Variants in NRK observed in about 807,000 individuals in gnomAD.
NRK encodes nik-related protein kinase.
In NRK, 67 loss-of-function variants were observed where a neutral mutation model predicts 125.2. The ratio of observed to expected loss-of-function variants is 0.54; its 90% CI spans 0.44 to 0.66. The LOEUF (loss-of-function observed/expected upper bound fraction) is 0.66. Among genes scored for constraint, NRK ranks in the 30% least tolerant of loss-of-function variants. NRK has a pLI of 0.00. For missense variants in NRK, 1,224 were observed against 1,192.9 expected (o/e 1.03, Z -0.38); for synonymous variants, 458 against 429.0 (o/e 1.07, Z -0.84).
rs553259810 is a variant in NRK, at chrX:105,909,526, C to A, written c.1885C>A (p.Pro629Thr). 1.2e-5 allele frequency: 14 copies of A among 1,210,044 alleles called. 1 individual carries two copies. Among genetic ancestry groups the A allele is most frequent in the African/African-American group, 5.2e-5 (3 of 57,754 alleles). ...SPQAQAWTLEPPQAIGSVQAL... is the reference protein window; with the variant it reads ...SPQAQAWTLETPQAIGSVQAL... ...TCAGGCACAGGCTTGGACACTAGAA[C>A]CCCCACAGGCAATTGGCTCAGTTCA... Residue 629 changes from proline (P) to threonine (T), a missense_variant, in exon 13 of 29, where the codon CCC becomes ACC. Pro to Thr is a conservative substitution (Grantham distance 38, BLOSUM62 -1). Coordinates refer to ENST00000243300, the MANE Select transcript of NRK (RefSeq NM_198465.4).
At position 105,957,747 on chromosome X, in the gene NRK, A is replaced by C. The variant is rs2040996079; in HGVS notation, c.*2147A>C. 1 of 112,140 alleles carries C rather than the reference A, an allele frequency of 8.9e-6. No individual in the cohort carries two copies. Among genetic ancestry groups the C allele is most frequent in the Admixed American group, 9.5e-5 (1 of 10,506 alleles). The allele number at this position is 112,140 out of a possible 1,213,427, so 9.2% of individuals were successfully genotyped here. On this transcript the variant is annotated 3_prime_UTR_variant, in exon 29 of 29. Coordinates refer to ENST00000243300, the MANE Select transcript of NRK (RefSeq NM_198465.4). Reference sequence around the variant, plus strand: ...AGCTGGGCACATGTCAAAAAGGGAGATCGAAATGTTAGGTAATCATTTAGA... The same window carrying C: ...AGCTGGGCACATGTCAAAAAGGGAGCTCGAAATGTTAGGTAATCATTTAGA...
At chrX:105,896,698 C>A (rs886806048) in intron 7 of NRK, among the ~76,000 whole-genome samples, 3 of 110,246 alleles carry the variant, frequency 2.7e-5, no homozygotes, top group Non-Finnish European at 5.7e-5. Context: ...GTTTAATTAG[C>A]TGGGCATGGT....
At chrX:105,954,768 T>G (rs2040951831) in intron 28 of NRK, among the ~76,000 whole-genome samples, 1 of 111,446 alleles carries the variant, frequency 9.0e-6, no homozygotes, top group Non-Finnish European at 1.9e-5. Flanking sequence ...ATAATTTTCT[T>G]TATGGTACAG....
intron 2 of NRK, among the ~76,000 whole-genome samples, chrX:105,871,161 T>C (rs141274447): frequency 0.015 from 1,632 of 111,596 alleles, 34 homozygotes; most frequent in African/African-American, 0.05. Flanking sequence ...GACAAACTTT[T>C]GTCAATTTGG....
intron 5 of NRK, among the ~76,000 whole-genome samples, chrX:105,891,179 T>C (rs2040012401): frequency 9.0e-6 from 1 of 111,669 alleles, no homozygotes; most frequent in East Asian, 2.8e-4. Flanking sequence ...AGTTGACTTA[T>C]CCTTTTCTTA....
At chrX:105,846,179 C>G (rs758491928) in intron 2 of NRK, among the ~76,000 whole-genome samples, 1 of 112,022 alleles carries the variant, frequency 8.9e-6, no homozygotes, top group Admixed American at 9.4e-5. Context: ...ACCTTATGTT[C>G]TTCTGTTTCA....
rs757666489 is a variant in NRK at position 105,950,621 on chromosome X, T to C, written c.4513+887T>C. Reference sequence around the variant, plus strand: ...ACTTAACAATTGCATCAGATATTACTAAGTGTTCCCATTTCCAAAACATTG... The same window carrying C: ...ACTTAACAATTGCATCAGATATTACCAAGTGTTCCCATTTCCAAAACATTG... On this transcript the variant is annotated intron_variant, in intron 27 of 28. Transcript: ENST00000243300. Among the ~76,000 whole-genome samples, 374 of 106,001 alleles carry C rather than the reference T, an allele frequency of 3.5e-3. 1 individual carries two copies. Among genetic ancestry groups the C allele is most frequent in the African/African-American group, 0.012 (343 of 29,111 alleles). 92.0% of individuals were successfully genotyped at this position (106,001 alleles called of 115,157 possible). A position where few individuals can be genotyped will look rare whatever the true frequency, so the allele number is the denominator to read the frequency against.
intron 2 of NRK, among the ~76,000 whole-genome samples, chrX:105,845,079 G>A (rs1261831059): frequency 9.0e-6 from 1 of 111,492 alleles, no homozygotes; most frequent in Non-Finnish European, 1.9e-5. Context: ...CTGAGGATGT[G>A]TCTCTAGGTT....
chrX:105,892,453 A>G (rs1408860749), intron 5 of NRK, among the ~76,000 whole-genome samples: 1 of 112,155 alleles, frequency 8.9e-6, no homozygotes, highest in Non-Finnish European at 1.9e-5. Context: ...GACCATTAAT[A>G]AAGAAGTGTA....
At chrX:105,835,639 T>C (rs780152981) in intron 2 of NRK, among the ~76,000 whole-genome samples, 2 of 109,665 alleles carry the variant, frequency 1.8e-5, no homozygotes, top group East Asian at 5.8e-4. Context: ...TTTTTTTTTT[T>C]TTTTACCTTT....
chrX:105,903,880 G>T (rs73533140), intron 9 of NRK, among the ~76,000 whole-genome samples: 12,853 of 111,482 alleles, frequency 0.12, 1,810 homozygotes, highest in African/African-American at 0.4. Flanking sequence ...GAGACTGATT[G>T]GACATAGTAA....
At chrX:105,925,241 G>C (rs983564460) in intron 19 of NRK, among the ~76,000 whole-genome samples, 1 of 111,092 alleles carries the variant, frequency 9.0e-6, no homozygotes, top group Admixed American at 9.6e-5. Flanking sequence ...TCTCTTATTT[G>C]TTTGCCTTTA....
At chrX:105,839,475 C>T (rs779464493) in intron 2 of NRK, among the ~76,000 whole-genome samples, 4 of 111,521 alleles carry the variant, frequency 3.6e-5, no homozygotes, top group African/African-American at 1.3e-4. Flanking sequence ...AGAGCTATGT[C>T]TTGGTTCCAC....
At chrX:105,898,504 C>A in intron 7 of NRK, 80 bp from the exon 8 acceptor site, 1 of 935,483 alleles carries the variant, frequency 1.1e-6, no homozygotes, top group Non-Finnish European at 1.5e-6. Flanking sequence ...GCTTTTGTAT[C>A]AGCTTTCCAA....
intron 2 of NRK, among the ~76,000 whole-genome samples, chrX:105,847,129 A>C (rs1042529789): frequency 1.8e-5 from 2 of 111,745 alleles, no homozygotes; most frequent in African/African-American, 6.5e-5. Flanking sequence ...AAAGCAGTAC[A>C]TTTGTACATG....
chrX:105,921,909 T>C, intron 16 of NRK, 55 bp from the exon 17 acceptor site: 1 of 569,810 alleles, frequency 1.8e-6, no homozygotes, highest in Non-Finnish European at 3.0e-6. Flanking sequence ...ACTATACATA[T>C]GAAGGCAATG....
intron 2 of NRK, among the ~76,000 whole-genome samples, chrX:105,864,499 G>C (rs920203918): frequency 1.8e-5 from 2 of 111,626 alleles, no homozygotes; most frequent in Non-Finnish European, 3.8e-5. Context: ...GAAAATCACT[G>C]TTTGTTTTAA....
intron 2 of NRK, among the ~76,000 whole-genome samples, chrX:105,858,397 T>A (rs2039559879): frequency 9.2e-6 from 1 of 108,973 alleles, no homozygotes; most frequent in South Asian, 4.0e-4. Flanking sequence ...TTTTTTTTTT[T>A]ACTTTTTTCT....
intron 9 of NRK, among the ~76,000 whole-genome samples, chrX:105,903,704 T>C (rs2040187198): frequency 9.0e-6 from 1 of 111,591 alleles, no homozygotes; most frequent in Admixed American, 9.6e-5. Flanking sequence ...GCTCCATTCC[T>C]TTGTGAACTT....
Sources: allele counts gnomAD v4.1 joint callset (sites outside exome capture counted in the v4.1 genomes callset), GRCh38; gene constraint gnomAD v4.1.1; transcripts MANE v1.5; gene names NCBI Gene and HGNC (gene_info 2026-07-23, HGNC 2026-07-21).